Variants in ZBBX observed in about 807,000 individuals in gnomAD.
The protein encoded by ZBBX is zinc finger B-box domain containing, also known as zinc finger B-box domain-containing protein 1.
ZBBX carries 101 observed loss-of-function variants against 108.5 expected under a neutral mutation model. The ratio of observed to expected loss-of-function variants is 0.93; its 90% CI spans 0.79 to 1.10. ZBBX has a LOEUF of 1.10. Among genes scored for constraint, ZBBX ranks in the 50% least tolerant of loss-of-function variants. ZBBX has a pLI of 0.00. For missense variants in ZBBX, 1,009 were observed against 941.4 expected, an observed-to-expected ratio of 1.07 and a Z score of -0.94; for synonymous variants, 356 against 323.4, an observed-to-expected ratio of 1.10 and a Z score of -1.08.
chr3:167,221,009 G>C, the ZBBX span, among the ~76,000 whole-genome samples: 1 of 151,752 alleles, frequency 6.6e-6, no homozygotes, highest in Non-Finnish European at 1.5e-5. Context: ...AACCAAAGAA[G>C]TGAAAGGTTT....
chr3:167,338,934 T>C (rs990828078), intron 9 of ZBBX, among the ~76,000 whole-genome samples: 7 of 152,116 alleles, frequency 4.6e-5, no homozygotes, highest in Admixed American at 2.6e-4. Context: ...TATGGACTAA[T>C]GGGAATTTTA....
rs1286619152 is a variant in ZBBX, at chr3:167,240,692, T to A, written c.*101A>T. On this transcript the variant is annotated 3_prime_UTR_variant, in exon 22 of 22. Coordinates refer to ENST00000675490, the MANE Select transcript of ZBBX (RefSeq NM_001199201.2). ...CTTGAAACATCAAAGACATTAGTAA[T>A]CAAAATCTCCAGCACTTGGATAGGT... 1.4e-5 allele frequency: 19 copies of A among 1,394,330 alleles called. No individual in the cohort carries two copies. The highest frequency in any genetic ancestry group is 1.8e-5 in the Non-Finnish European group (19 of 1,029,578). The allele number at this position is 1,394,330 out of a possible 1,614,324, so 86.4% of individuals were successfully genotyped here.
chr3:167,238,299 G>T (rs563942945), downstream of ZBBX, among the ~76,000 whole-genome samples: 6 of 152,094 alleles, frequency 3.9e-5, no homozygotes, highest in African/African-American at 1.2e-4. Flanking sequence ...TTGTGACAGA[G>T]GACATGTTAA....
chr3:167,366,884 G>A (rs1201557999), intron 5 of ZBBX: 1 of 455,922 alleles, frequency 2.2e-6, no homozygotes, highest in Non-Finnish European at 4.4e-6. Context: ...TTGGCCACTG[G>A]GTCATTAAAA....
chr3:167,384,015 A>G (rs1747827134), upstream of ZBBX, among the ~76,000 whole-genome samples: 1 of 152,082 alleles, frequency 6.6e-6, no homozygotes, highest in Admixed American at 6.6e-5. Flanking sequence ...GGAGCACATT[A>G]AAAAGCACTT....
At chr3:167,289,031 A>C in intron 18 of ZBBX, 48 bp from the exon 19 acceptor site, 1 of 1,349,388 alleles carries the variant, frequency 7.4e-7, no homozygotes, top group Non-Finnish European at 1.0e-6. Context: ...AAAGAAGAAA[A>C]TCCATTTTAT....
chr3:167,252,150 T>C (rs1345249292), intron 20 of ZBBX: 14 of 1,289,444 alleles, frequency 1.1e-5, no homozygotes, highest in African/African-American at 1.5e-5. Context: ...TTCTGTCTTA[T>C]TCTCCCAGCT....
At chr3:167,196,202 C>T in the ZBBX span, among the ~76,000 whole-genome samples, 1 of 152,214 alleles carries the variant, frequency 6.6e-6, no homozygotes, top group East Asian at 1.9e-4. Context: ...AGAGAACAGC[C>T]CTTTAGAACC....
At chr3:167,370,005 T>A (rs1229260935) in intron 4 of ZBBX, among the ~76,000 whole-genome samples, 1 of 152,166 alleles carries the variant, frequency 6.6e-6, no homozygotes, top group East Asian at 1.9e-4. Flanking sequence ...AAGAGCCTTG[T>A]AAGCCATGAT....
At chr3:167,218,850 C>A in the ZBBX span, among the ~76,000 whole-genome samples, 1 of 151,896 alleles carries the variant, frequency 6.6e-6, no homozygotes, top group Non-Finnish European at 1.5e-5. Context: ...ATGAATATAA[C>A]AACAAAACTG....
At chr3:167,231,022 G>A in the ZBBX span, among the ~76,000 whole-genome samples, 2 of 151,702 alleles carry the variant, frequency 1.3e-5, no homozygotes, top group African/African-American at 2.4e-5. Context: ...AAGAGGATTC[G>A]AAGGAAACTC....
intron 20 of ZBBX, among the ~76,000 whole-genome samples, chr3:167,243,222 C>T (rs1720984277): frequency 6.6e-6 from 1 of 152,266 alleles, no homozygotes. Context: ...AGTCTTTAGG[C>T]AAATGTATCT....
At chr3:167,295,499 A>G (rs2108155744) in intron 18 of ZBBX, among the ~76,000 whole-genome samples, 1 of 151,378 alleles carries the variant, frequency 6.6e-6, no homozygotes, top group Admixed American at 6.6e-5. Context: ...ATGAGAACAC[A>G]TGGACACATC....
chr3:167,275,059 A>C (rs1444135407), intron 20 of ZBBX, among the ~76,000 whole-genome samples: 1 of 152,188 alleles, frequency 6.6e-6, no homozygotes. Context: ...AAAAACATTT[A>C]TCTGAAATGT....
At chr3:167,254,482 T>A (rs1021171855) in intron 20 of ZBBX, among the ~76,000 whole-genome samples, 2 of 152,028 alleles carry the variant, frequency 1.3e-5, no homozygotes, top group East Asian at 1.9e-4. Flanking sequence ...AAAAGTCAAG[T>A]GATAAAGAGT....
the ZBBX span, among the ~76,000 whole-genome samples, chr3:167,188,110 A>G: frequency 6.6e-6 from 1 of 152,208 alleles, no homozygotes; most frequent in African/African-American, 2.4e-5. Flanking sequence ...ATTAAACTCC[A>G]TGGGATCAGT....
intron 7 of ZBBX, among the ~76,000 whole-genome samples, chr3:167,360,387 T>C (rs1744313359): frequency 6.6e-6 from 1 of 151,638 alleles, no homozygotes; most frequent in African/African-American, 2.4e-5. Flanking sequence ...CTAAATTATC[T>C]TCCTTATTAA....
chr3:167,224,525 G>C, the ZBBX span, among the ~76,000 whole-genome samples: 1 of 151,828 alleles, frequency 6.6e-6, no homozygotes, highest in Non-Finnish European at 1.5e-5. Context: ...GCCAAATTTA[G>C]TCCATCTACA....
chr3:167,199,478 T>C, the ZBBX span, among the ~76,000 whole-genome samples: 1 of 152,206 alleles, frequency 6.6e-6, no homozygotes, highest in African/African-American at 2.4e-5. Flanking sequence ...ATACGTGGAA[T>C]TGTATGCACA....
Sources: gnomAD v4.1 joint callset for allele counts (sites outside exome capture counted in the v4.1 genomes callset) on GRCh38, gnomAD v4.1.1 for gene constraint, MANE v1.5 for transcripts, NCBI Gene and HGNC (gene_info 2026-07-23, HGNC 2026-07-21) for gene names.